The following S100A6 variants were observed in gnomAD, a reference collection of about 807,000 sequenced individuals.
S100A6 encodes S100 calcium binding protein A6, also known as protein S100-A6.
Under a neutral mutation model 3.5 loss-of-function variants are expected in S100A6, and 3 were observed. The ratio of observed to expected loss-of-function variants is 0.87; its 90% CI spans 0.39 to 2.24. The LOEUF (loss-of-function observed/expected upper bound fraction) is 2.24, where lower values mean the gene tolerates loss of function less well. Ranked by LOEUF, S100A6 falls within the 30% of genes most tolerant of loss-of-function variation. The pLI is 0.05. For missense variants in S100A6, 114 were observed against 105.3 expected (o/e 1.08, Z -0.36); for synonymous variants, 48 against 45.2 (o/e 1.06, Z -0.25).
chr1:153,535,610 C>T (rs1462778193), intron 1 of S100A6, among the ~76,000 whole-genome samples: 1 of 152,194 alleles, frequency 6.6e-6, no homozygotes, highest in Non-Finnish European at 1.5e-5. Flanking sequence ...TGAGAACTGT[C>T]CTTCAGGGGA....
Position 153,535,227 on chromosome 1 carries a change from ATCAGCTCCT to A in S100A6, c.104_112del (p.Lys35_Leu37del), listed in dbSNP as rs752369309. Reference sequence around the variant, plus strand: ...CGAGCCAATGGTGAGCTCCTTCTGGATCAGCTCCTTCAGCTCCTTCTTGCTCAGGGTGTG... The same window carrying A: ...CGAGCCAATGGTGAGCTCCTTCTGGATCAGCTCCTTCTTGCTCAGGGTGTG... On this transcript the variant is annotated inframe_deletion, in exon 2 of 3. Coordinates refer to ENST00000368719, the MANE Select transcript of S100A6 (RefSeq NM_014624.4). The A allele has an allele frequency of 6.8e-6, 11 of 1,614,060 alleles. No homozygotes were observed. The highest frequency in any genetic ancestry group is 8.5e-6 in the Non-Finnish European group (10 of 1,180,010).
rs111905470 is a variant in S100A6, at chr1:153,535,154, C to T, written c.138+48G>A. On this transcript the variant is annotated intron_variant, in intron 2 of 2. Coordinates refer to ENST00000368719, the MANE Select transcript of S100A6 (RefSeq NM_014624.4). The stretch of plus-strand genomic sequence containing the variant: ...ACCTCTCTCTCCCCTAATCCTGCTT[C>T]CAAAGGACAAGGGTGGGAAAAGGGG... 6,579 of 1,610,446 alleles carry T rather than the reference C, an allele frequency of 4.1e-3. 213 individuals carry two copies. In the African/African-American group the frequency reaches 0.073, roughly 18 times the overall value.
At chr1:153,535,103 G>C in intron 2 of S100A6, 99 bp downstream of exon 2, 1 of 1,521,012 alleles carries the variant, frequency 6.6e-7, no homozygotes, top group Non-Finnish European at 9.0e-7. Flanking sequence ...CAGAATGTGG[G>C]TAAATGTGAG....
chr1:153,535,033 A>T, intron 2 of S100A6, 169 bp downstream of exon 2: 2 of 1,125,966 alleles, frequency 1.8e-6, no homozygotes, highest in Non-Finnish European at 2.5e-6. Context: ...GGCTGGAAGC[A>T]TCCCCTACCC....
In S100A6 at chr1:153,534,699, GC is replaced by G. The variant is rs1260267186; in HGVS notation, c.269del (p.Gly90AlafsTer5). On this transcript the variant is annotated frameshift_variant, in exon 3 of 3. Coordinates refer to ENST00000368719, the MANE Select transcript of S100A6 (RefSeq NM_014624.4). LOFTEE classifies it high-confidence loss of function. ...LALIYNEALK[G>X] ...TCTCCATCTTCCCTATTTATTTTCAGCCCTTGAGGGCTTCATTGTAGATCAA... is the reference window on the plus strand; with the variant it reads ...TCTCCATCTTCCCTATTTATTTTCAGCCTTGAGGGCTTCATTGTAGATCAA... 2 of 1,605,160 alleles carry G rather than the reference GC, an allele frequency of 1.2e-6. No homozygotes were observed. The highest frequency in any genetic ancestry group is 1.7e-6 in the Non-Finnish European group (2 of 1,176,134).
At chr1:153,535,472 C>T (rs938289264) in intron 1 of S100A6, 112 bp from the exon 2 acceptor site, 3 of 1,178,816 alleles carry the variant, frequency 2.5e-6, no homozygotes, top group Non-Finnish European at 3.5e-6. Context: ...CAGTCTCAGG[C>T]CACACACAAT....
chr1:153,534,803 G>T lies in S100A6; in HGVS notation c.166C>A (p.Leu56Met). ...SKLQDAEIAR[L>M]MEDLDRNKDQ... is the part of the protein sequence containing the mutation. ...TTGTTCCGGTCCAAGTCTTCCATCA[G>T]CCTTGCAATTTCAGCATCCTGCAGC... is the stretch of plus-strand genomic sequence containing the variant. The change falls in exon 3 of 3, where the codon CTG (leucine) becomes ATG (methionine). Residue 56 changes from leucine to methionine, a missense_variant. Leu to Met is a conservative substitution (Grantham distance 15). Coordinates refer to ENST00000368719, the MANE Select transcript of S100A6 (RefSeq NM_014624.4). 6.2e-7 allele frequency: 1 copy of T among 1,613,594 alleles called. No homozygotes were observed. The highest frequency in any genetic ancestry group is 8.5e-7 in the Non-Finnish European group (1 of 1,179,910).
Position 153,534,620 on chromosome 1 carries a change from T to G in S100A6, c.*76A>C. ...AGGGTAAATTTGACCAAAAAAAATT[T>G]ATTGTACAATTACCCACCACTGGAT... is the stretch of plus-strand genomic sequence containing the variant. On this transcript the variant is annotated 3_prime_UTR_variant, in exon 3 of 3. Coordinates refer to ENST00000368719, the MANE Select transcript of S100A6 (RefSeq NM_014624.4). 1.4e-6 allele frequency: 2 copies of G among 1,442,458 alleles called. No homozygotes were observed. The highest frequency in any genetic ancestry group is 1.8e-6 in the Non-Finnish European group (2 of 1,085,880). 89.4% of individuals were successfully genotyped at this position (1,442,458 alleles called of 1,614,324 possible). A position where few individuals can be genotyped will look rare whatever the true frequency, so the allele number is the denominator to read the frequency against.
chr1:153,535,512 G>A, intron 1 of S100A6, 152 bp from the exon 2 acceptor site: 3 of 801,352 alleles, frequency 3.7e-6, no homozygotes, highest in Non-Finnish European at 3.8e-6. Flanking sequence ...GGGCTTGAAG[G>A]GGAAGGAGAG....
intron 1 of S100A6, among the ~76,000 whole-genome samples, chr1:153,535,620 A>G (rs1169974956): frequency 6.6e-6 from 1 of 152,188 alleles, no homozygotes; most frequent in East Asian, 1.9e-4. Context: ...CCTTCAGGGG[A>G]TCCAGAAGTT....
In S100A6 at chr1:153,535,188, A is replaced by G. The variant is rs1290490859; in HGVS notation, c.138+14T>C. 4 of 1,613,768 alleles carry G rather than the reference A, an allele frequency of 2.5e-6. No individual in the cohort carries two copies. The Admixed American group carries it at 6.7e-5, about 27-fold the overall frequency. On this transcript the variant is annotated intron_variant, in intron 2 of 2. Coordinates refer to ENST00000368719, the MANE Select transcript of S100A6 (RefSeq NM_014624.4). ...AAGGGTGGGAAAAGGGGTCCTGGGG[A>G]GGAGGCCACTCACCGAGCCAATGGT...
rs878876244 is a variant in S100A6, at chr1:153,535,195, C to T, written c.138+7G>A. Reference sequence around the variant, plus strand: ...GGAAAAGGGGTCCTGGGGAGGAGGCCACTCACCGAGCCAATGGTGAGCTCC... The same window carrying T: ...GGAAAAGGGGTCCTGGGGAGGAGGCTACTCACCGAGCCAATGGTGAGCTCC... On this transcript the variant is annotated splice_region_variant and intron_variant, in intron 2 of 2. Coordinates refer to ENST00000368719, the MANE Select transcript of S100A6 (RefSeq NM_014624.4). 3 of 1,613,924 alleles carry T rather than the reference C, an allele frequency of 1.9e-6. No individual in the cohort carries two copies. In the African/African-American group the frequency reaches 4.0e-5, roughly 22 times the overall value.
Position 153,535,284 on chromosome 1 carries a change from T to C in S100A6, c.56A>G (p.Tyr19Cys). ...GTGCTTGTCACCCTCCCTGCCGGAG[T>C]ACTTGTGGAAGATGGCCACGAGGAG... ...IGLLVAIFHK[Y>C]SGREGDKHTL... The change falls in exon 2 of 3, where the codon TAC (tyrosine) becomes TGC (cysteine). Residue 19 changes from tyrosine (Y) to cysteine (C), a missense_variant. Transcript: ENST00000368719. 1 of 1,613,986 alleles carries C rather than the reference T, an allele frequency of 6.2e-7. No homozygotes were observed. The highest frequency in any genetic ancestry group is 1.6e-4 in the Middle Eastern group (1 of 6,062).
Position 153,534,951 on chromosome 1 carries a change from C to T in S100A6, c.139-121G>A, listed in dbSNP as rs1052635376. 4 of 1,328,852 alleles carry T rather than the reference C, an allele frequency of 3.0e-6. No homozygotes were observed. The African/African-American group carries it at 4.4e-5, about 15-fold the overall frequency. 82.3% of individuals were successfully genotyped at this position (1,328,852 alleles called of 1,614,324 possible). On this transcript the variant is annotated intron_variant, in intron 2 of 2. Coordinates refer to ENST00000368719, the MANE Select transcript of S100A6 (RefSeq NM_014624.4). ...CTGTGCTCCCTCATCACCAAGGACC[C>T]ATGTCACTTTGGCATTGCTTCTCCT...
Position 153,534,752 on chromosome 1 carries a change from A to G in S100A6, c.217T>C (p.Tyr73His). ...NKDQEVNFQE[Y>H]VTFLGALALI... is the part of the protein sequence containing the mutation. ...GCCAAGGCCCCCAGGAAGGTGACAT[A>G]CTCCTGGAAGTTCACCTCCTGGTCC... is the stretch of plus-strand genomic sequence containing the variant. The change falls in exon 3 of 3, where the codon TAT becomes CAT. Residue 73 changes from tyrosine to histidine, a missense_variant. Physicochemically the swap from Tyr to His is moderately conservative, Grantham distance 83. Coordinates refer to ENST00000368719, the MANE Select transcript of S100A6 (RefSeq NM_014624.4). 6.2e-7 allele frequency: 1 copy of G among 1,613,488 alleles called. No homozygotes were observed. The highest frequency in any genetic ancestry group is 8.5e-7 in the Non-Finnish European group (1 of 1,179,768).
rs992658333 is a variant in S100A6 at position 153,534,788 on chromosome 1, C to A, written c.181G>T (p.Asp61Tyr). ...TTCACCTCCTGGTCCTTGTTCCGGT[C>A]CAAGTCTTCCATCAGCCTTGCAATT... The part of the protein sequence containing the change: ...AEIARLMEDL[D>Y]RNKDQEVNFQ... The change falls in exon 3 of 3, where the codon GAC (aspartate) becomes TAC (tyrosine). Residue 61 changes from aspartate (D) to tyrosine (Y), a missense_variant. Physicochemically the swap from Asp to Tyr is radical, Grantham distance 160. Transcript: ENST00000368719. 2 of 1,613,924 alleles carry A rather than the reference C, an allele frequency of 1.2e-6. No individual in the cohort carries two copies. Among genetic ancestry groups the A allele is most frequent in the African/African-American group, 1.3e-5 (1 of 75,036 alleles).
intron 2 of S100A6, 118 bp downstream of exon 2, chr1:153,535,084 C>T: frequency 7.0e-7 from 1 of 1,425,450 alleles, no homozygotes; most frequent in South Asian, 1.3e-5. Flanking sequence ...TACATGTGGA[C>T]CAGGGCCTCA....
rs1474165131 is a variant in S100A6, at chr1:153,534,734, C to G, written c.235G>C (p.Ala79Pro). The G allele has an allele frequency of 6.2e-7, 1 of 1,613,648 alleles. No individual in the cohort carries two copies. Among genetic ancestry groups the G allele is most frequent in the East Asian group, 2.2e-5 (1 of 44,864 alleles). ...GCTTCATTGTAGATCAAAGCCAAGG[C>G]CCCCAGGAAGGTGACATACTCCTGG... is the stretch of plus-strand genomic sequence containing the variant. ...NFQEYVTFLG[A>P]LALIYNEALK... The change falls in exon 3 of 3, where the codon GCC (alanine) becomes CCC (proline). Residue 79 changes from alanine (A) to proline (P), a missense_variant. Coordinates refer to ENST00000368719, the MANE Select transcript of S100A6 (RefSeq NM_014624.4).
chr1:153,535,368 C>T lies in S100A6; in HGVS notation c.-21-8G>A, dbSNP rs138514771. 267 of 1,612,498 alleles carry T rather than the reference C, an allele frequency of 1.7e-4. 2 individuals carry two copies. In the African/African-American group the frequency reaches 3.0e-3, roughly 18 times the overall value. Reference sequence around the variant, plus strand: ...TGAGGGCTGGGCTTGGAGCTGGCAGCAGAGGGCCTAGTCAGTGCCATGGGA... The same window carrying T: ...TGAGGGCTGGGCTTGGAGCTGGCAGTAGAGGGCCTAGTCAGTGCCATGGGA... On this transcript the variant is annotated splice_region_variant and splice_polypyrimidine_tract_variant and intron_variant, in intron 1 of 2. Transcript: ENST00000368719.
Sources: gnomAD v4.1 joint callset for allele counts (sites outside exome capture counted in the v4.1 genomes callset) on GRCh38, gnomAD v4.1.1 for gene constraint, MANE v1.5 for transcripts, NCBI Gene and HGNC (gene_info 2026-07-23, HGNC 2026-07-21) for gene names.